Variants in DST observed in about 807,000 individuals in gnomAD.
DST encodes bullous pemphigoid antigen.
DST carries 253 observed loss-of-function variants against 875.2 expected under a neutral mutation model. The observed-to-expected ratio is 0.29, with a 90% CI of 0.26 to 0.32. DST has a LOEUF of 0.32. Ranked by LOEUF, DST falls within the 10% of genes least tolerant of loss-of-function variation. DST has a pLI of 1.00. For missense variants in DST, 8,287 were observed against 9,111.6 expected (o/e 0.91, Z 3.68); for synonymous variants, 3,124 against 3,197.1 (o/e 0.98, Z 0.77).
At position 56,891,682 on chromosome 6, in the gene DST, C is replaced by T. The variant is rs987884910; in HGVS notation, c.417+8739G>A. ...CCAAGAGGTTGAGGCTGCAGTGAGC[C>T]GTGATTGCGCGACTGCACTCCAGCC... On this transcript the variant is annotated intron_variant, in intron 3 of 103. Transcript: ENST00000680361. Among the ~76,000 whole-genome samples the T allele has an allele frequency of 3.3e-5, 5 of 151,550 alleles. No homozygotes were observed. In the East Asian group the frequency reaches 5.8e-4, roughly 18 times the overall value.
chr6:56,796,054 G>A (rs1364543295), intron 4 of DST, among the ~76,000 whole-genome samples: 5 of 152,152 alleles, frequency 3.3e-5, no homozygotes, highest in Admixed American at 2.6e-4. Flanking sequence ...CAGCAACCCC[G>A]GAGTGATGGT....
intron 9 of DST, among the ~76,000 whole-genome samples, 183 bp from the exon 10 acceptor site, chr6:56,670,990 A>C (rs1286274008): frequency 2.6e-5 from 4 of 152,248 alleles, no homozygotes; most frequent in Non-Finnish European, 5.9e-5. Flanking sequence ...AATGTGCCAC[A>C]TGTAGAAAGT....
chr6:56,780,862 C>T (rs1483682817), intron 4 of DST, among the ~76,000 whole-genome samples: 1 of 152,086 alleles, frequency 6.6e-6, no homozygotes, highest in Non-Finnish European at 1.5e-5. Flanking sequence ...GGTTTTAGAT[C>T]TAACGTTTAA....
At chr6:56,828,316 A>C (rs190623403) in intron 4 of DST, among the ~76,000 whole-genome samples, 31 of 152,350 alleles carry the variant, frequency 2.0e-4, no homozygotes, top group Admixed American at 1.6e-3. Context: ...ATGCCGATTT[A>C]TATTAGTCTG....
intron 10 of DST, among the ~76,000 whole-genome samples, chr6:56,666,666 A>T (rs2099073764): frequency 6.6e-6 from 1 of 152,160 alleles, no homozygotes; most frequent in African/African-American, 2.4e-5. Context: ...TTTCCACAAC[A>T]AATCCAAATA....
chr6:56,648,683 C>G lies in DST; in HGVS notation c.1441G>C (p.Glu481Gln). ...GGEGIGANDV[E>Q]VKWIEYQNMV... ...TTCTGGTATTCAATCCATTTGACTT[C>G]AACATCCTAGAACAATCAAATGATA... Residue 481 changes from glutamate to glutamine, a missense_variant, in exon 13 of 104, where the codon GAA (glutamate) becomes CAA (glutamine). Glu to Gln is a conservative substitution (Grantham distance 29). Coordinates refer to ENST00000680361, the MANE Select transcript of DST (RefSeq NM_001374736.1). The G allele has an allele frequency of 6.4e-7, 1 of 1,567,388 alleles. No homozygotes were observed. Among genetic ancestry groups the G allele is most frequent in the Non-Finnish European group, 8.7e-7 (1 of 1,153,764 alleles).
At chr6:56,945,423 C>T (rs1158766236) in intron 2 of DST, among the ~76,000 whole-genome samples, 1 of 152,104 alleles carries the variant, frequency 6.6e-6, no homozygotes, top group Non-Finnish European at 1.5e-5. Context: ...TGAAAAACTG[C>T]AGGGGTTTGG....
intron 5 of DST, among the ~76,000 whole-genome samples, chr6:56,731,707 G>A (rs963447098): frequency 2.0e-5 from 3 of 152,030 alleles, no homozygotes; most frequent in Admixed American, 6.6e-5. Context: ...ATCTCTTATT[G>A]ATGAACATGT....
chr6:56,701,657 C>T (rs1465890871), intron 8 of DST, among the ~76,000 whole-genome samples: 2 of 152,154 alleles, frequency 1.3e-5, no homozygotes, highest in East Asian at 1.9e-4. Flanking sequence ...CAAGTTCTTA[C>T]ATAGATGGAA....
chr6:56,742,183 T>C (rs2099549348), intron 4 of DST: 1 of 781,824 alleles, frequency 1.3e-6, no homozygotes, highest in African/African-American at 1.8e-5. Context: ...TCAGCTGAAC[T>C]ATCGCCATGC....
intron 4 of DST, among the ~76,000 whole-genome samples, chr6:56,768,472 A>C (rs1029003331): frequency 6.6e-6 from 1 of 152,214 alleles, no homozygotes; most frequent in Non-Finnish European, 1.5e-5. Flanking sequence ...ATGGTACTGG[A>C]ACAACTGGAC....
chr6:56,642,699 A>G lies in DST; in HGVS notation c.1779-196T>C, dbSNP rs753112845. On this transcript the variant is annotated intron_variant, in intron 15 of 103. Transcript: ENST00000680361. ...TTGGACCACAATGAACCAAGAGAAG[A>G]TTTTCATTTGAATCAAGACTGGTTC... is the stretch of plus-strand genomic sequence containing the variant. 32 of 1,614,002 alleles carry G rather than the reference A, an allele frequency of 2.0e-5. No individual in the cohort carries two copies. The highest frequency in any genetic ancestry group is 3.3e-5 in the Admixed American group (2 of 59,986).
At position 56,631,888 on chromosome 6, in the gene DST, G is replaced by T. The variant is rs1267180790; in HGVS notation, c.3958C>A (p.Gln1320Lys). 4.3e-6 allele frequency: 7 copies of T among 1,613,820 alleles called. No homozygotes were observed. Among genetic ancestry groups the T allele is most frequent in the Middle Eastern group, 1.7e-4 (1 of 6,058 alleles). ...LHESVFRITE[Q>K]EKLKKELERL... The stretch of plus-strand genomic sequence containing the variant: ...AACATATTTATAGCTCTCACCTCCT[G>T]TTCTGTGATTCTGAACACACTTTCA... Residue 1320 changes from glutamine to lysine, a missense_variant, in exon 29 of 104, where the codon CAG becomes AAG. Gln to Lys is a moderately conservative substitution (Grantham distance 53). Transcript: ENST00000680361.
Position 56,608,075 on chromosome 6 carries a change from C to T in DST, c.6553G>A (p.Gly2185Arg). 1.2e-6 allele frequency: 2 copies of T among 1,613,454 alleles called. No homozygotes were observed. The highest frequency in any genetic ancestry group is 1.7e-6 in the Non-Finnish European group (2 of 1,179,670). The change falls in exon 40 of 104, where the codon GGA becomes AGA. Residue 2185 changes from glycine to arginine, a missense_variant. Gly to Arg is a moderately radical substitution (Grantham distance 125). Transcript: ENST00000680361. ...DYRQEEDVFD[G>R]EEPVTTQTSE... Reference sequence around the variant, plus strand: ...GTCTGAGTAGTGACAGGTTCTTCTCCATCAAAAACATCCTCTTCTTGTCTG... The same window carrying T: ...GTCTGAGTAGTGACAGGTTCTTCTCTATCAAAAACATCCTCTTCTTGTCTG...
chr6:56,523,738 A>C lies in DST; in HGVS notation c.18129+2623T>G, dbSNP rs17684277. On this transcript the variant is annotated intron_variant, in intron 69 of 103. Transcript: ENST00000680361. ...AATCTAATTTAACTCTCCCTGATTT[A>C]ACTGGGACAAATCATTAAATCTATA... Among the ~76,000 whole-genome samples the C allele has an allele frequency of 7.6e-3, 1,165 of 152,318 alleles. 5 individuals are homozygous for C. Among genetic ancestry groups the C allele is most frequent in the Non-Finnish European group, 0.012 (848 of 68,018 alleles).
In DST at chr6:56,592,223, C is replaced by T; in HGVS notation, c.12862G>A (p.Val4288Met). ...TGCCTTTGAAGATTTTTGGGGTCCA[C>T]CGCAATAGGTTCAGATAAGTGTTTG... ...ASKHLSEPIA[V>M]DPKNLQRQLE... The change falls in exon 49 of 104, where the codon GTG becomes ATG. Residue 4288 changes from valine (V) to methionine (M), a missense_variant. By Grantham distance (21) the Val-to-Met change is conservative (BLOSUM62 1). Transcript: ENST00000680361. 3.1e-6 allele frequency: 5 copies of T among 1,613,578 alleles called. No homozygotes were observed. Among genetic ancestry groups the T allele is most frequent in the Non-Finnish European group, 4.2e-6 (5 of 1,179,772 alleles).
Position 56,645,919 on chromosome 6 carries a change from T to C in DST, c.1725A>G (p.Lys575=). ...CTCTCTCTAGCATGGCAATAATGAGTTTCCCCCACTCTTTTTCTATGTCAT... is the reference window on the plus strand; with the variant it reads ...CTCTCTCTAGCATGGCAATAATGAGCTTCCCCCACTCTTTTTCTATGTCAT... ...HPNDIEKEWG[K]LIIAMLEREK... The change falls in exon 15 of 104, where the codon AAA becomes AAG. Residue 575 remains lysine, a synonymous_variant. Transcript: ENST00000680361. 1 of 1,613,742 alleles carries C rather than the reference T, an allele frequency of 6.2e-7. No individual in the cohort carries two copies.
chr6:56,642,921 A>G, intron 15 of DST: 2 of 1,520,162 alleles, frequency 1.3e-6, no homozygotes, highest in Non-Finnish European at 1.8e-6. Context: ...CTCCTTAAAT[A>G]TGCTTCAACA....
chr6:56,947,848 C>G (rs1313279463), intron 2 of DST, among the ~76,000 whole-genome samples: 1 of 151,546 alleles, frequency 6.6e-6, no homozygotes, highest in Admixed American at 6.6e-5. Flanking sequence ...TACTCAGGTA[C>G]AGTGGACCCC....
Sources: gnomAD v4.1 joint callset for allele counts (sites outside exome capture counted in the v4.1 genomes callset) on GRCh38, gnomAD v4.1.1 for gene constraint, MANE v1.5 for transcripts, NCBI Gene and HGNC (gene_info 2026-07-23, HGNC 2026-07-21) for gene names.